The following MALRD1 variants were observed in gnomAD, a reference collection of about 807,000 sequenced individuals.
The protein encoded by MALRD1 is MAM and LDL-receptor class A domain-containing protein 1.
Under a neutral mutation model 242.1 loss-of-function variants are expected in MALRD1, and 247 were observed. That is an observed-to-expected ratio of 1.02 (90% CI 0.92 to 1.13). The LOEUF is 1.13. Among genes scored for constraint, MALRD1 ranks in the 50% most tolerant of loss-of-function variants. MALRD1 has a pLI of 0.00. For synonymous variants in MALRD1, 995 were observed against 866.6 expected, an observed-to-expected ratio of 1.15 and a Z score of -2.60; for missense variants, 2,989 against 2,533.1, an observed-to-expected ratio of 1.18 and a Z score of -3.86.
At position 19,730,751 on chromosome 10, in the gene MALRD1, C is replaced by T. The variant is rs932461537; in HGVS notation, c.6360C>T (p.Tyr2120=). The T allele has an allele frequency of 1.1e-5, 17 of 1,536,548 alleles. No individual in the cohort carries two copies. Among genetic ancestry groups the T allele is most frequent in the Middle Eastern group, 1.7e-4 (1 of 5,994 alleles). The change falls in exon 39 of 40, where the codon TAC becomes TAT. Residue 2120 remains tyrosine (Y), a synonymous_variant. Coordinates refer to ENST00000454679, the MANE Select transcript of MALRD1 (RefSeq NM_001142308.3). The stretch of plus-strand genomic sequence containing the variant: ...ACTGTGCCTTTGTCAATCCAGTTTA[C>T]GGGAACTGGAGCAACCCAGAGAAAA... ...SGNCAFVNPV[Y]GNWSNPEKTE...
At chr10:19,600,080 T>C (rs946553834) in intron 34 of MALRD1, among the ~76,000 whole-genome samples, 2 of 152,122 alleles carry the variant, frequency 1.3e-5, no homozygotes. Context: ...TCCTTTCCAG[T>C]AGCGGTGGAT....
At chr10:19,275,101 AT>A (rs140753117) in intron 19 of MALRD1, among the ~76,000 whole-genome samples, 2,382 of 152,220 alleles carry the variant, frequency 0.016, 66 homozygotes, top group African/African-American at 0.054. Context: ...TTTCTTCCTC[AT>A]TTATTTGTTA....
At chr10:19,276,296 TTATA>T (rs10602550) in intron 19 of MALRD1, among the ~76,000 whole-genome samples, 2 of 151,038 alleles carry the variant, frequency 1.3e-5, no homozygotes, top group East Asian at 1.9e-4. Context: ...TGCATTTTAA[TTATA>T]TATATATATA....
chr10:19,426,667 G>T (rs909956806), intron 28 of MALRD1, among the ~76,000 whole-genome samples: 1 of 152,094 alleles, frequency 6.6e-6, no homozygotes, highest in Non-Finnish European at 1.5e-5. Context: ...GCTGGGCATG[G>T]TGGGGCATGC....
intron 19 of MALRD1, among the ~76,000 whole-genome samples, chr10:19,263,596 G>C (rs770251548): frequency 7.2e-5 from 11 of 151,962 alleles, no homozygotes; most frequent in South Asian, 2.1e-4. Flanking sequence ...ACTTTCTCTT[G>C]TTGTGATTTT....
At chr10:19,094,077 C>T (rs1156702022) in intron 4 of MALRD1, among the ~76,000 whole-genome samples, 1 of 109,172 alleles carries the variant, frequency 9.2e-6, no homozygotes, top group African/African-American at 3.7e-5. Flanking sequence ...GAGGTGGAGC[C>T]TACAGAGGCA....
At chr10:19,257,794 G>T (rs1839583837) in intron 19 of MALRD1, 23 bp downstream of exon 19, 1 of 1,418,346 alleles carries the variant, frequency 7.1e-7, no homozygotes. Flanking sequence ...ATTTCAATTT[G>T]GGGTTATTTC....
intron 24 of MALRD1, among the ~76,000 whole-genome samples, chr10:19,339,646 G>C (rs1843755474): frequency 6.6e-6 from 1 of 152,234 alleles, no homozygotes; most frequent in Middle Eastern, 3.4e-3. Context: ...TCTGTATCAT[G>C]ATAATGCTGT....
intron 28 of MALRD1, among the ~76,000 whole-genome samples, chr10:19,400,273 T>C (rs1846775224): frequency 6.6e-6 from 1 of 152,182 alleles, no homozygotes; most frequent in Non-Finnish European, 1.5e-5. Context: ...GTCGTCCTTT[T>C]CCTGAAAAGG....
intron 26 of MALRD1, among the ~76,000 whole-genome samples, chr10:19,356,315 T>C (rs2131013930): frequency 6.6e-6 from 1 of 152,162 alleles, no homozygotes; most frequent in African/African-American, 2.4e-5. Context: ...GGAATAGTGG[T>C]ATCTTGAACA....
intron 29 of MALRD1, among the ~76,000 whole-genome samples, chr10:19,474,552 A>G (rs780892072): frequency 1.1e-4 from 17 of 152,046 alleles, no homozygotes; most frequent in Non-Finnish European, 1.9e-4. Context: ...TCATTCACCA[A>G]CTAATGTTGT....
intron 14 of MALRD1, among the ~76,000 whole-genome samples, chr10:19,193,526 C>T (rs1006450727): frequency 4.6e-5 from 7 of 152,066 alleles, no homozygotes; most frequent in African/African-American, 1.7e-4. Context: ...CTGCATCCAG[C>T]CTGGGCAACA....
intron 25 of MALRD1, among the ~76,000 whole-genome samples, chr10:19,349,545 G>A (rs767662764): frequency 6.6e-5 from 10 of 152,132 alleles, no homozygotes; most frequent in Non-Finnish European, 8.8e-5. Context: ...AGTCTAGAAT[G>A]AAAGTAAATC....
At chr10:19,197,193 C>A (rs540901409) in intron 14 of MALRD1, among the ~76,000 whole-genome samples, 1 of 152,220 alleles carries the variant, frequency 6.6e-6, no homozygotes, top group East Asian at 1.9e-4. Flanking sequence ...TGGGGGAAAT[C>A]ACCCCCATGA....
intron 28 of MALRD1, among the ~76,000 whole-genome samples, chr10:19,417,162 A>G (rs1486406175): frequency 1.3e-5 from 2 of 152,140 alleles, no homozygotes; most frequent in Non-Finnish European, 2.9e-5. Flanking sequence ...TTACCTGAGG[A>G]CTGGGTCTTT....
At chr10:19,238,288 A>G (rs1403241446) in intron 18 of MALRD1, among the ~76,000 whole-genome samples, 1 of 73,648 alleles carries the variant, frequency 1.4e-5, no homozygotes, top group Non-Finnish European at 2.3e-5. Context: ...TAATATACAT[A>G]ATATATATTA....
chr10:19,679,207 T>A (rs895557526), intron 36 of MALRD1, among the ~76,000 whole-genome samples: 1 of 152,174 alleles, frequency 6.6e-6, no homozygotes, highest in Non-Finnish European at 1.5e-5. Context: ...CCTTGTTAAT[T>A]GTTTGGAATA....
At chr10:19,352,972 T>A (rs974145460) in intron 26 of MALRD1, among the ~76,000 whole-genome samples, 3 of 152,144 alleles carry the variant, frequency 2.0e-5, no homozygotes, top group African/African-American at 7.2e-5. Flanking sequence ...GAGTAAATTT[T>A]CTTAGCCAGT....
intron 8 of MALRD1, among the ~76,000 whole-genome samples, chr10:19,132,528 AAGT>A (rs1833152883): frequency 6.6e-6 from 1 of 152,186 alleles, no homozygotes; most frequent in Non-Finnish European, 1.5e-5. Context: ...ACTAAGTTGA[AAGT>A]AGATTCATTT....
Sources: allele counts gnomAD v4.1 joint callset (sites outside exome capture counted in the v4.1 genomes callset), GRCh38; gene constraint gnomAD v4.1.1; transcripts MANE v1.5; gene names NCBI Gene and HGNC (gene_info 2026-07-23, HGNC 2026-07-21).